ADAM18: variants seen among roughly 807,000 people sequenced by gnomAD.
The protein encoded by ADAM18 is ADAM metallopeptidase domain 18.
Under a neutral mutation model 94.4 loss-of-function variants are expected in ADAM18, and 117 were observed. That is an observed-to-expected ratio of 1.24 (90% CI 1.07 to 1.45). ADAM18 has a LOEUF of 1.45. Ranked by LOEUF, ADAM18 falls within the 40% of genes most tolerant of loss-of-function variation. ADAM18 has a pLI of 0.00. For missense variants in ADAM18, 936 were observed against 880.0 expected, an observed-to-expected ratio of 1.06 and a Z score of -0.81; for synonymous variants, 327 against 291.6, an observed-to-expected ratio of 1.12 and a Z score of -1.24.
At chr8:39,694,350 TC>T (rs756673694) in intron 17 of ADAM18, among the ~76,000 whole-genome samples, 17 of 151,582 alleles carry the variant, frequency 1.1e-4, no homozygotes, top group African/African-American at 4.1e-4. Flanking sequence ...TCTATGATTT[TC>T]CCCTTTAATC....
chr8:39,595,327 G>A (rs1818709405), intron 2 of ADAM18, among the ~76,000 whole-genome samples: 1 of 151,636 alleles, frequency 6.6e-6, no homozygotes, highest in South Asian at 2.1e-4. Flanking sequence ...ATCACTACAA[G>A]GAGGGACTGC....
At chr8:39,664,885 C>A (rs1380746406) in intron 13 of ADAM18, among the ~76,000 whole-genome samples, 3 of 151,954 alleles carry the variant, frequency 2.0e-5, no homozygotes, top group African/African-American at 7.3e-5. Context: ...TTTATTATTC[C>A]AATTCTGGTA....
At chr8:39,617,465 G>A (rs1409376617) in intron 6 of ADAM18, among the ~76,000 whole-genome samples, 1 of 152,060 alleles carries the variant, frequency 6.6e-6, no homozygotes, top group Non-Finnish European at 1.5e-5. Context: ...ACTATCATTC[G>A]ACCCAGCAAC....
At chr8:39,680,785 C>T (rs934314526) in intron 16 of ADAM18, among the ~76,000 whole-genome samples, 14 of 152,180 alleles carry the variant, frequency 9.2e-5, no homozygotes, top group African/African-American at 3.1e-4. Context: ...AATATAAGGG[C>T]ACATGTTCCA....
intron 6 of ADAM18, among the ~76,000 whole-genome samples, chr8:39,626,531 A>G (rs1390735755): frequency 1.3e-5 from 2 of 151,948 alleles, no homozygotes; most frequent in Non-Finnish European, 2.9e-5. Flanking sequence ...TTTTTGATGT[A>G]GGCATTTGGT....
At chr8:39,616,240 CA>C (rs946970040) in intron 6 of ADAM18, among the ~76,000 whole-genome samples, 9 of 148,130 alleles carry the variant, frequency 6.1e-5, no homozygotes, top group South Asian at 2.1e-4. Context: ...CTTGTCTCTA[CA>C]AAAAAAAAAT....
At chr8:39,652,790 C>T (rs935628074) in intron 12 of ADAM18, among the ~76,000 whole-genome samples, 3 of 152,060 alleles carry the variant, frequency 2.0e-5, no homozygotes, top group Admixed American at 2.0e-4. Context: ...AAGTGTCTAT[C>T]AATAAATGAA....
chr8:39,662,115 G>A (rs1356240607), intron 12 of ADAM18, among the ~76,000 whole-genome samples: 3 of 152,046 alleles, frequency 2.0e-5, no homozygotes, highest in Non-Finnish European at 4.4e-5. Flanking sequence ...GGTAATCAGA[G>A]AAGTAATAAT....
chr8:39,609,235 T>C, intron 4 of ADAM18, 115 bp downstream of exon 4: 3 of 816,366 alleles, frequency 3.7e-6, no homozygotes, highest in Non-Finnish European at 5.7e-6. Context: ...TGTTACTGAC[T>C]TTTGTACATA....
intron 17 of ADAM18, among the ~76,000 whole-genome samples, chr8:39,694,672 T>C (rs1025902793): frequency 2.0e-5 from 3 of 151,474 alleles, no homozygotes; most frequent in African/African-American, 7.2e-5. Flanking sequence ...TGGACTACAA[T>C]ATATCTGCTC....
intron 13 of ADAM18, among the ~76,000 whole-genome samples, chr8:39,664,091 A>G (rs1820925950): frequency 6.6e-6 from 1 of 152,256 alleles, no homozygotes; most frequent in African/African-American, 2.4e-5. Context: ...TGCAGTTACT[A>G]TATGCATGGG....
intron 6 of ADAM18, among the ~76,000 whole-genome samples, chr8:39,612,647 A>G (rs1460854626): frequency 6.6e-6 from 1 of 152,148 alleles, no homozygotes; most frequent in Non-Finnish European, 1.5e-5. Flanking sequence ...GGACCTGGAC[A>G]AAACAAGCCT....
At chr8:39,633,018 C>T (rs1819975857) in intron 7 of ADAM18, among the ~76,000 whole-genome samples, 2 of 152,098 alleles carry the variant, frequency 1.3e-5, no homozygotes, top group African/African-American at 2.4e-5. Flanking sequence ...GATTAAGTCT[C>T]TTATAAAAGA....
intron 17 of ADAM18, among the ~76,000 whole-genome samples, chr8:39,702,592 T>C (rs1822114550): frequency 6.6e-6 from 1 of 152,236 alleles, no homozygotes; most frequent in Non-Finnish European, 1.5e-5. Context: ...GCCTAGGTCT[T>C]ATTCCAAGGT....
intron 17 of ADAM18, among the ~76,000 whole-genome samples, chr8:39,706,355 G>A (rs1359393822): frequency 1.3e-5 from 2 of 152,016 alleles, no homozygotes; most frequent in African/African-American, 4.8e-5. Context: ...GAATTAAAGT[G>A]GCCAATCAAT....
intron 2 of ADAM18, among the ~76,000 whole-genome samples, chr8:39,590,437 G>A (rs554649722): frequency 6.6e-6 from 1 of 152,146 alleles, no homozygotes; most frequent in Admixed American, 6.5e-5. Context: ...GACTGTTGTC[G>A]GGTGAGGGGA....
intron 15 of ADAM18, among the ~76,000 whole-genome samples, chr8:39,679,574 G>A (rs1014365216): frequency 1.3e-5 from 2 of 152,192 alleles, no homozygotes; most frequent in African/African-American, 4.8e-5. Flanking sequence ...GGATCAAAAT[G>A]AAGGTTGTGT....
chr8:39,722,380 T>G (rs971601592), intron 18 of ADAM18, among the ~76,000 whole-genome samples: 6 of 150,604 alleles, frequency 4.0e-5, no homozygotes, highest in Non-Finnish European at 7.4e-5. Flanking sequence ...TGCAGCAACA[T>G]GGATGGAACT....
chr8:39,680,578 A>T (rs1169554682), intron 16 of ADAM18, among the ~76,000 whole-genome samples: 2 of 152,202 alleles, frequency 1.3e-5, no homozygotes, highest in African/African-American at 4.8e-5. Context: ...TTCTTAAATT[A>T]TTTGATTTGT....
Sources: allele counts gnomAD v4.1 joint callset (sites outside exome capture counted in the v4.1 genomes callset), GRCh38; gene constraint gnomAD v4.1.1; transcripts MANE v1.5; gene names NCBI Gene and HGNC (gene_info 2026-07-23, HGNC 2026-07-21).